ABCB1: variants seen among roughly 807,000 people sequenced by gnomAD.
The protein encoded by ABCB1 is ATP binding cassette subfamily B member 1, also known as ATP-dependent translocase ABCB1.
A neutral mutation model predicts 142.0 loss-of-function variants in ABCB1; 69 were observed. The observed-to-expected ratio is 0.49, with a 90% CI of 0.40 to 0.59. The LOEUF (loss-of-function observed/expected upper bound fraction) is 0.59, where lower values mean the gene tolerates loss of function less well. ABCB1 is among the 20% of genes least tolerant of loss of function. The probability of loss-of-function intolerance (pLI) is 0.00; values close to 1 mark genes in which losing one functional copy is unlikely to be tolerated. For synonymous variants in ABCB1, 532 were observed against 539.2 expected (o/e 0.99, Z 0.18); for missense variants, 1,326 against 1,554.7 (o/e 0.85, Z 2.47).
At position 87,713,077 on chromosome 7, in the gene ABCB1, T is replaced by C. The variant is rs571184450; in HGVS notation, c.-331+84A>G. ...AATTCTTAATTCTAATTAAATTTGATTGCAAACTTCTAGTCAAGACAAATA... is the reference window on the plus strand; with the variant it reads ...AATTCTTAATTCTAATTAAATTTGACTGCAAACTTCTAGTCAAGACAAATA... On this transcript the variant is annotated intron_variant, in intron 1 of 28. Coordinates refer to the ABCB1 transcript ENST00000265724. The C allele has an allele frequency of 3.9e-5, 6 of 152,308 alleles. 1 individual carries two copies. The South Asian group carries it at 1.2e-3, about 32-fold the overall frequency. 9.4% of individuals were successfully genotyped at this position (152,308 alleles called of 1,614,324 possible). A position where few individuals can be genotyped will look rare whatever the true frequency, so the allele number is the denominator to read the frequency against.
chr7:87,552,666 G>A (rs1817126714), intron 9 of ABCB1, among the ~76,000 whole-genome samples: 1 of 149,838 alleles, frequency 6.7e-6, no homozygotes, highest in Non-Finnish European at 1.5e-5. Flanking sequence ...AAAACTTCAT[G>A]GGAAAAGCCA....
At chr7:87,667,427 C>A (rs1179282965) in intron 1 of ABCB1, among the ~76,000 whole-genome samples, 1 of 151,756 alleles carries the variant, frequency 6.6e-6, no homozygotes, top group Non-Finnish European at 1.5e-5. Context: ...AGAATCATGT[C>A]ATCTGCAAAC....
At chr7:87,533,321 G>A (rs1205776704) in intron 20 of ABCB1, among the ~76,000 whole-genome samples, 1 of 152,102 alleles carries the variant, frequency 6.6e-6, no homozygotes, top group East Asian at 1.9e-4. Context: ...GAAGCTCTTA[G>A]AATATCACCT....
At chr7:87,631,194 T>C (rs1821177585) in intron 1 of ABCB1, among the ~76,000 whole-genome samples, 1 of 152,230 alleles carries the variant, frequency 6.6e-6, no homozygotes, top group African/African-American at 2.4e-5. Context: ...ATGGGGTCTA[T>C]ATGATAGGCT....
intron 21 of ABCB1, among the ~76,000 whole-genome samples, chr7:87,529,017 A>C (rs949440061): frequency 2.6e-5 from 4 of 152,194 alleles, no homozygotes; most frequent in Non-Finnish European, 4.4e-5. Context: ...ATGATAAAAG[A>C]TTAGATTTTG....
chr7:87,552,158 C>T (rs573323415), intron 9 of ABCB1, among the ~76,000 whole-genome samples: 1 of 152,216 alleles, frequency 6.6e-6, no homozygotes, highest in South Asian at 2.1e-4. Context: ...GCCGTGTTCT[C>T]TTTAGGCCTT....
At chr7:87,543,566 A>G (rs756832465) in intron 17 of ABCB1, among the ~76,000 whole-genome samples, 4 of 152,162 alleles carry the variant, frequency 2.6e-5, no homozygotes, top group African/African-American at 4.8e-5. Context: ...CATTCCTTTC[A>G]GATTGTAACT....
chr7:87,689,605 T>C (rs28617521), intron 1 of ABCB1, among the ~76,000 whole-genome samples: 1 of 152,198 alleles, frequency 6.6e-6, no homozygotes, highest in African/African-American at 2.4e-5. Context: ...GCTAATCATC[T>C]AAAGAAAGTA....
In ABCB1 at chr7:87,516,530, G is replaced by A. The variant is rs764753321; in HGVS notation, c.3063C>T (p.Tyr1021=). 3.7e-6 allele frequency: 6 copies of A among 1,614,052 alleles called. No individual in the cohort carries two copies. Among genetic ancestry groups the A allele is most frequent in the Non-Finnish European group, 4.2e-6 (5 of 1,180,028 alleles). The change falls in exon 24 of 28, where the codon TAC becomes TAT. Residue 1021 remains tyrosine (Y), a synonymous_variant. Coordinates refer to ENST00000622132, the MANE Select transcript of ABCB1 (RefSeq NM_001348946.2). ...IIEKTPLIDS[Y]STEGLMPNTL... is the part of the protein sequence containing the mutation. ...TCACCGGCATTAGGCCTTCCGTGCT[G>A]TAGCTGTCAATCAAAGGGGTTTTTT...
intron 26 of ABCB1, among the ~76,000 whole-genome samples, chr7:87,507,756 A>T (rs889365880): frequency 1.7e-4 from 26 of 152,298 alleles, no homozygotes; most frequent in African/African-American, 6.3e-4. Context: ...TAGAATAAAG[A>T]GCATAACTGG....
chr7:87,533,102 A>C (rs1236983285), intron 20 of ABCB1, among the ~76,000 whole-genome samples: 1 of 152,158 alleles, frequency 6.6e-6, no homozygotes, highest in African/African-American at 2.4e-5. Flanking sequence ...TATTAAAGGG[A>C]TGATTTGCCA....
rs1010115474 is a variant in ABCB1 at position 87,550,369 on chromosome 7, G to A, written c.1225-73C>T. On this transcript the variant is annotated intron_variant, in intron 11 of 27. Coordinates refer to ENST00000622132, the MANE Select transcript of ABCB1 (RefSeq NM_001348946.2). ...GGATATAGGAACTGACTGTTCACTA[G>A]GTTTAAATATACATGCACTTTTTTA... The A allele has an allele frequency of 2.5e-6, 4 of 1,609,824 alleles. No individual in the cohort carries two copies. The Admixed American group carries it at 5.0e-5, about 20-fold the overall frequency.
At chr7:87,540,847 A>G (rs28381940) in intron 18 of ABCB1, among the ~76,000 whole-genome samples, 4,660 of 152,286 alleles carry the variant, frequency 0.031, 252 homozygotes, top group African/African-American at 0.11. Flanking sequence ...AATGTTTCCT[A>G]CATTTTTTGT....
chr7:87,561,144 A>C (rs1485926579), intron 8 of ABCB1, 119 bp downstream of exon 8: 12 of 1,166,956 alleles, frequency 1.0e-5, no homozygotes, highest in Non-Finnish European at 1.5e-5. Context: ...TACATCCATT[A>C]AGCTATTTAA....
intron 1 of ABCB1, among the ~76,000 whole-genome samples, chr7:87,700,202 G>C (rs949549232): frequency 6.6e-6 from 1 of 152,036 alleles, no homozygotes; most frequent in Non-Finnish European, 1.5e-5. Context: ...CTATGATCCA[G>C]ACTCATTAAG....
intron 21 of ABCB1, chr7:87,521,780 A>T (rs1815520765): frequency 6.2e-6 from 5 of 805,464 alleles, no homozygotes; most frequent in Non-Finnish European, 1.1e-5. Flanking sequence ...ACTGTGAAAA[A>T]GATATTTGTT....
chr7:87,566,470 C>T (rs1012653856), intron 6 of ABCB1, among the ~76,000 whole-genome samples: 1 of 152,172 alleles, frequency 6.6e-6, no homozygotes, highest in South Asian at 2.1e-4. Flanking sequence ...AAGTATTCAA[C>T]CTAGGAATTT....
intron 26 of ABCB1, among the ~76,000 whole-genome samples, chr7:87,508,496 C>CTAATA (rs1257059790): frequency 1.3e-5 from 2 of 152,114 alleles, no homozygotes; most frequent in Non-Finnish European, 2.9e-5. Context: ...AACACAAAAA[C>CTAATA]TAATACACAG....
Position 87,566,232 on chromosome 7 carries a change from G to A in ABCB1, c.540C>T (p.Ser180=), listed in dbSNP as rs1128500. 1 of 1,613,924 alleles carries A rather than the reference G, an allele frequency of 6.2e-7. No individual in the cohort carries two copies. Among genetic ancestry groups the A allele is most frequent in the East Asian group, 2.2e-5 (1 of 44,886 alleles). ...ELNTRLTDDV[S]KINEGIGDKI... ...TGTCACCAATTCCTTCATTAATCTT[G>A]GAGACATCACTGAAAGAACAGATAG... Residue 180 remains serine, a synonymous_variant, in exon 7 of 28, where the codon TCC becomes TCT. Transcript: ENST00000622132.
Sources: allele counts gnomAD v4.1 joint callset (sites outside exome capture counted in the v4.1 genomes callset), GRCh38; gene constraint gnomAD v4.1.1; transcripts MANE v1.5; gene names NCBI Gene and HGNC (gene_info 2026-07-23, HGNC 2026-07-21).